The following TTN variants were observed in gnomAD, a reference collection of about 807,000 sequenced individuals.
The protein encoded by TTN is titin.
Under a neutral mutation model 3,223.0 loss-of-function variants are expected in TTN, and 1,525 were observed. The observed-to-expected ratio is 0.47, with a 90% CI of 0.45 to 0.49. TTN has a LOEUF of 0.49. TTN is among the 20% of genes least tolerant of loss of function. TTN has a pLI of 0.00. For missense variants in TTN, 40,786 were observed against 43,424.0 expected (o/e 0.94, Z 5.40); for synonymous variants, 14,094 against 15,161.0 (o/e 0.93, Z 5.17).
At chr2:178,703,246 G>A (rs1036530587) in intron 106 of TTN, among the ~76,000 whole-genome samples, 21 of 152,118 alleles carry the variant, frequency 1.4e-4, no homozygotes, top group Non-Finnish European at 2.5e-4. Context: ...AGAAGAGGCT[G>A]GAGGGGAGGG....
At position 178,663,274 on chromosome 2, in the gene TTN, G is replaced by A; in HGVS notation, c.36692C>T (p.Pro12231Leu). The change falls in exon 173 of 363, where the codon CCC becomes CTC. Residue 12231 changes from proline (P) to leucine (L), a missense_variant. Coordinates refer to ENST00000589042, the MANE Select transcript of TTN (RefSeq NM_001267550.2). ...EAIPPKPESP[P>L]PEVPEVLPPK... ...TATAGCTTTGGCATTACCTTCAGGG[G>A]GAGGACTTTCCGGTTTGGGAGGAAT... 1.3e-6 allele frequency: 2 copies of A among 1,562,460 alleles called. No homozygotes were observed. Among genetic ancestry groups the A allele is most frequent in the South Asian group, 1.2e-5 (1 of 82,894 alleles).
At position 178,533,742 on chromosome 2, in the gene TTN, C is replaced by G; in HGVS notation, c.102873G>C (p.Trp34291Cys). The G allele has an allele frequency of 6.2e-7, 1 of 1,613,862 alleles. No homozygotes were observed. The highest frequency in any genetic ancestry group is 2.2e-5 in the East Asian group (1 of 44,872). ...GTTTGATTTTCTGACCTGATTTATACCATGTTACATGAGGCTCTGGGTGGA... is the reference window on the plus strand; with the variant it reads ...GTTTGATTTTCTGACCTGATTTATAGCATGTTACATGAGGCTCTGGGTGGA... ...ITVHPEPHVT[W>C]YKSGQKIKPG... Residue 34291 changes from tryptophan (W) to cysteine (C), a missense_variant, in exon 358 of 363, where the codon TGG becomes TGC. Trp to Cys is a radical substitution (Grantham distance 215). Transcript: ENST00000589042.
intron 122 of TTN, 58 bp from the exon 123 acceptor site, chr2:178,689,653 A>AT (rs551647942): frequency 5.9e-5 from 89 of 1,506,696 alleles, no homozygotes; most frequent in South Asian, 2.4e-4. Context: ...ATGCACAGTT[A>AT]TTTTTTTTAA....
rs2047149895 is a variant in TTN, at chr2:178,579,340, C to T, written c.67690G>A (p.Glu22564Lys). ...GLPDLCYLAK[E>K]NSNFRLKIPI... ...ATCTTAAGCCGGAAGTTGCTGTTTT[C>T]TTTAGCCAAGTAGCACAAATCAGGT... Residue 22564 changes from glutamate (E) to lysine (K), a missense_variant, in exon 320 of 363, where the codon GAA becomes AAA. Glu to Lys is a moderately conservative substitution (Grantham distance 56, BLOSUM62 1). Coordinates refer to ENST00000589042, the MANE Select transcript of TTN (RefSeq NM_001267550.2). The T allele has an allele frequency of 6.2e-7, 1 of 1,605,014 alleles. No individual in the cohort carries two copies.
intron 9 of TTN, among the ~76,000 whole-genome samples, 160 bp from the exon 10 acceptor site, chr2:178,792,357 A>G (rs1292017300): frequency 6.6e-6 from 1 of 152,170 alleles, no homozygotes; most frequent in Non-Finnish European, 1.5e-5. Flanking sequence ...AAATAAGATC[A>G]TGCTCTTTCT....
chr2:178,789,272 T>G, intron 13 of TTN, 88 bp downstream of exon 13: 1 of 1,539,018 alleles, frequency 6.5e-7, no homozygotes, highest in Non-Finnish European at 8.9e-7. Context: ...AGACTTGATA[T>G]TAATGTATTA....
rs772663685 is a variant in TTN at position 178,548,059 on chromosome 2, C to T, written c.93567G>A (p.Lys31189=). Residue 31189 remains lysine, a synonymous_variant, in exon 339 of 363, where the codon AAG becomes AAA. Transcript: ENST00000589042. The surrounding 1 kb of genome is among the most constrained non-coding windows in gnomAD (Gnocchi z 4.3). ...KTEYEFRVKA[K]NDAGYSEPRE... The stretch of plus-strand genomic sequence containing the variant: ...TGGGTTCACTATAGCCAGCATCATT[C>T]TTGGCCTTCACACGGAATTCATATT... The T allele has an allele frequency of 2.5e-6, 4 of 1,613,762 alleles. No individual in the cohort carries two copies. The South Asian group carries it at 3.3e-5, about 13-fold the overall frequency.
chr2:178,688,917 A>G, intron 125 of TTN, 136 bp downstream of exon 125: 1 of 1,174,856 alleles, frequency 8.5e-7, no homozygotes, highest in Non-Finnish European at 1.2e-6. Flanking sequence ...CAAGGACATA[A>G]ACACAAAAGT....
At position 178,560,357 on chromosome 2, in the gene TTN, T is replaced by C; in HGVS notation, c.85775A>G (p.Lys28592Arg). 3 of 1,613,716 alleles carry C rather than the reference T, an allele frequency of 1.9e-6. No individual in the cohort carries two copies. The South Asian group carries it at 3.3e-5, about 18-fold the overall frequency. Reference protein sequence around the residue: ...ISGYIIERREKNSLRWVRVNK... With the variant: ...ISGYIIERRERNSLRWVRVNK... Reference sequence around the variant, plus strand: ...TACACGCACCCATCTTAGGCTATTTTTCTCTCGCCTTTCAATTATATATCC... The same window carrying C: ...TACACGCACCCATCTTAGGCTATTTCTCTCTCGCCTTTCAATTATATATCC... The change falls in exon 326 of 363, where the codon AAA becomes AGA. Residue 28592 changes from lysine (K) to arginine (R), a missense_variant. By Grantham distance (26) the Lys-to-Arg change is conservative. Coordinates refer to ENST00000589042, the MANE Select transcript of TTN (RefSeq NM_001267550.2).
Position 178,702,024 on chromosome 2 carries a change from T to C in TTN, c.30538+16A>G, listed in dbSNP as rs1167317928. 3.1e-6 allele frequency: 5 copies of C among 1,608,618 alleles called. No homozygotes were observed. The highest frequency in any genetic ancestry group is 4.2e-6 in the Non-Finnish European group (5 of 1,177,180). On this transcript the variant is annotated intron_variant, in intron 109 of 362. Coordinates refer to ENST00000589042, the MANE Select transcript of TTN (RefSeq NM_001267550.2). ...ATTTATTGTAAGCAAGGATTGATTT[T>C]TACAAAACAACTTACCAGGAGGCTT...
chr2:178,599,398 C>T lies in TTN; in HGVS notation c.56395G>A (p.Ala18799Thr), dbSNP rs757022353. Residue 18799 changes from alanine to threonine, a missense_variant, in exon 290 of 363, where the codon GCA (alanine) becomes ACA (threonine). Physicochemically the swap from Ala to Thr is moderately conservative, Grantham distance 58. Coordinates refer to ENST00000589042, the MANE Select transcript of TTN (RefSeq NM_001267550.2). ...AACCAAGATAGTGTCATTTGATCTG[C>T]TGAAACAGATTCAAATTTTATGGGT... ...VGPIKFESVS[A>T]DQMTLSWFPP... The T allele has an allele frequency of 1.1e-5, 17 of 1,569,276 alleles. No homozygotes were observed. In the East Asian group the frequency reaches 2.7e-4, roughly 25 times the overall value.
rs759065895 is a variant in TTN at position 178,530,332 on chromosome 2, T to A, written c.106283A>T (p.Asp35428Val). 3 of 1,614,010 alleles carry A rather than the reference T, an allele frequency of 1.9e-6. 1 individual carries two copies. The South Asian group carries it at 3.3e-5, about 18-fold the overall frequency. The change falls in exon 358 of 363, where the codon GAT (aspartate) becomes GTT (valine). Residue 35428 changes from aspartate to valine, a missense_variant. Physicochemically the swap from Asp to Val is radical, Grantham distance 152. Coordinates refer to ENST00000589042, the MANE Select transcript of TTN (RefSeq NM_001267550.2). ...AACACTGTCTGAAGAAACAGTTGTA[T>A]CCTGCAACCCAGTAACAATTACTGG... ...SKPVIVTGLQ[D>V]TTVSSDSVAK...
Position 178,566,957 on chromosome 2 carries a change from C to G in TTN, c.79175G>C (p.Ser26392Thr). 1 of 1,613,624 alleles carries G rather than the reference C, an allele frequency of 6.2e-7. No homozygotes were observed. The highest frequency in any genetic ancestry group is 8.5e-7 in the Non-Finnish European group (1 of 1,179,674). Residue 26392 changes from serine (S) to threonine (T), a missense_variant, in exon 326 of 363, where the codon AGC becomes ACC. By Grantham distance (58) the Ser-to-Thr change is moderately conservative (BLOSUM62 1). Coordinates refer to ENST00000589042, the MANE Select transcript of TTN (RefSeq NM_001267550.2). ...TTTGGCAATATTTGTGACTTCCAAGCTTTTTGGTGGTCCAGGAAGCACAAA... is the reference window on the plus strand; with the variant it reads ...TTTGGCAATATTTGTGACTTCCAAGGTTTTTGGTGGTCCAGGAAGCACAAA... ...NPFVLPGPPK[S>T]LEVTNIAKDS...
At chr2:178,631,785 T>G (rs1310998340) in intron 236 of TTN, among the ~76,000 whole-genome samples, 1 of 152,132 alleles carries the variant, frequency 6.6e-6, no homozygotes, top group Non-Finnish European at 1.5e-5. Context: ...ATGTAAATTA[T>G]GTAATATCTT....
rs1403352793 is a variant in TTN, at chr2:178,581,725, G to A, written c.66543C>T (p.Ala22181=). ...CAATGATAGGGCTGCCGCCGTCATA[G>A]GCTGGCTTGCCCCAAGATAGACTCA... ...SSVSLSWGKP[A]YDGGSPIIGY... Residue 22181 remains alanine (A), a synonymous_variant, in exon 316 of 363, where the codon GCC becomes GCT. Transcript: ENST00000589042. 1 of 1,610,024 alleles carries A rather than the reference G, an allele frequency of 6.2e-7. No homozygotes were observed. The highest frequency in any genetic ancestry group is 8.5e-7 in the Non-Finnish European group (1 of 1,178,072).
At chr2:178,579,527 A>T (rs1398982688) in intron 319 of TTN, 34 bp downstream of exon 319, 1 of 1,606,406 alleles carries the variant, frequency 6.2e-7, no homozygotes. Context: ...GATGACAATA[A>T]AGGAAAAATG....
In TTN at chr2:178,682,915, T is replaced by G; in HGVS notation, c.32888-12A>C. 1 of 1,583,098 alleles carries G rather than the reference T, an allele frequency of 6.3e-7. No homozygotes were observed. ...CATTATAGTTACTTCTGAAACAATA[T>G]TAACAACAGGCAGCACTTTACTTTA... On this transcript the variant is annotated splice_polypyrimidine_tract_variant and intron_variant, in intron 134 of 362. Coordinates refer to ENST00000589042, the MANE Select transcript of TTN (RefSeq NM_001267550.2).
At chr2:178,550,363 C>T in intron 336 of TTN, 90 bp from the exon 337 acceptor site, 1 of 1,099,656 alleles carries the variant, frequency 9.1e-7, no homozygotes, top group African/African-American at 1.6e-5. Flanking sequence ...TATCACAAGG[C>T]CAGGAAGAGT....
intron 49 of TTN, chr2:178,737,855 G>A (rs915924072): frequency 5.3e-5 from 25 of 467,608 alleles, no homozygotes; most frequent in Non-Finnish European, 8.3e-5. Flanking sequence ...ACTTAACTTT[G>A]TTCTCAAATA....
Sources: allele counts gnomAD v4.1 joint callset (sites outside exome capture counted in the v4.1 genomes callset), GRCh38; gene constraint gnomAD v4.1.1; non-coding constraint Gnocchi (gnomAD v3.1); transcripts MANE v1.5; gene names NCBI Gene and HGNC (gene_info 2026-07-23, HGNC 2026-07-21).